The following GPC5 variants were observed in gnomAD, a reference collection of about 807,000 sequenced individuals.
GPC5 encodes the protein glypican 5, also known as glypican-5.
In GPC5, 47 loss-of-function variants were observed where a neutral mutation model predicts 53.9. The ratio of observed to expected loss-of-function variants is 0.87; its 90% CI spans 0.69 to 1.11. GPC5 has a LOEUF of 1.11. Among genes scored for constraint, GPC5 ranks in the 50% most tolerant of loss-of-function variants. The pLI, the probability that GPC5 is intolerant of heterozygous loss-of-function variation, is 0.00. For synonymous variants in GPC5, 286 were observed against 263.3 expected (o/e 1.09, Z -0.84); for missense variants, 748 against 713.1 (o/e 1.05, Z -0.56).
intron 5 of GPC5, among the ~76,000 whole-genome samples, chr13:91,811,624 G>A (rs1381775474): frequency 7.8e-6 from 1 of 128,022 alleles, no homozygotes; most frequent in African/African-American, 2.9e-5. Context: ...TGAACATAAA[G>A]CAACTTTATA....
At chr13:92,294,520 G>A (rs940085946) in intron 7 of GPC5, among the ~76,000 whole-genome samples, 2 of 152,196 alleles carry the variant, frequency 1.3e-5, no homozygotes, top group Non-Finnish European at 2.9e-5. Context: ...GTGATCTTCT[G>A]TATTTCTGTG....
intron 6 of GPC5, among the ~76,000 whole-genome samples, chr13:92,053,841 C>T (rs1438916752): frequency 1.3e-5 from 2 of 151,680 alleles, no homozygotes; most frequent in African/African-American, 4.8e-5. Flanking sequence ...ACCAGCCTGG[C>T]CAACATGGTG....
At chr13:92,102,454 A>G (rs548512810) in intron 6 of GPC5, among the ~76,000 whole-genome samples, 2 of 152,262 alleles carry the variant, frequency 1.3e-5, no homozygotes, top group South Asian at 4.1e-4. Flanking sequence ...TTTTCTTTTC[A>G]AAATCTGACC....
At chr13:92,414,149 T>G (rs1173880248) in intron 7 of GPC5, among the ~76,000 whole-genome samples, 4 of 152,186 alleles carry the variant, frequency 2.6e-5, no homozygotes, top group Non-Finnish European at 5.9e-5. Context: ...GTCACTTTCC[T>G]CATTAAGCTT....
chr13:91,983,516 C>G (rs1394734544), intron 6 of GPC5, among the ~76,000 whole-genome samples: 1 of 152,092 alleles, frequency 6.6e-6, no homozygotes, highest in African/African-American at 2.4e-5. Flanking sequence ...TCTTTGCTGA[C>G]ATCCTAAAAG....
intron 7 of GPC5, among the ~76,000 whole-genome samples, chr13:92,234,943 A>G (rs1179370136): frequency 6.6e-6 from 1 of 152,180 alleles, no homozygotes; most frequent in Non-Finnish European, 1.5e-5. Flanking sequence ...TTGGGGCCAT[A>G]CAATCAGGTA....
chr13:91,672,456 T>C (rs896481656), intron 2 of GPC5, among the ~76,000 whole-genome samples: 7 of 152,174 alleles, frequency 4.6e-5, no homozygotes, highest in Admixed American at 4.6e-4. Context: ...AAAGAAGGCA[T>C]TTACACGGTC....
intron 7 of GPC5, among the ~76,000 whole-genome samples, chr13:92,572,541 T>C (rs1883062897): frequency 6.6e-6 from 1 of 152,194 alleles, no homozygotes; most frequent in Admixed American, 6.6e-5. Context: ...TAGATATGGT[T>C]GGGTTCATTA....
At chr13:92,755,073 T>G (rs1874795537) in intron 7 of GPC5, among the ~76,000 whole-genome samples, 1 of 151,342 alleles carries the variant, frequency 6.6e-6, no homozygotes, top group African/African-American at 2.4e-5. Context: ...GACCACATAC[T>G]TGGAAGTAAA....
intron 7 of GPC5, among the ~76,000 whole-genome samples, chr13:92,473,520 T>C (rs1435741727): frequency 1.3e-5 from 2 of 152,152 alleles, no homozygotes; most frequent in African/African-American, 2.4e-5. Context: ...AATAGTATTA[T>C]GTGTTCTCTT....
At chr13:92,407,382 C>CA (rs1445995909) in intron 7 of GPC5, among the ~76,000 whole-genome samples, 2 of 152,162 alleles carry the variant, frequency 1.3e-5, no homozygotes, top group Non-Finnish European at 2.9e-5. Context: ...GTAGCCTCGA[C>CA]AAGATATTCT....
chr13:91,520,720 ATG>A (rs968182487), intron 2 of GPC5, among the ~76,000 whole-genome samples: 9 of 148,066 alleles, frequency 6.1e-5, no homozygotes, highest in South Asian at 4.2e-4. Flanking sequence ...GTGTGTGTGT[ATG>A]TGTGTGTGTG....
At chr13:92,281,251 A>G (rs1223317061) in intron 7 of GPC5, among the ~76,000 whole-genome samples, 1 of 152,190 alleles carries the variant, frequency 6.6e-6, no homozygotes, top group Non-Finnish European at 1.5e-5. Flanking sequence ...GCAGCCAGGA[A>G]GCTCGAACTG....
intron 1 of GPC5, among the ~76,000 whole-genome samples, chr13:91,401,279 A>AT (rs1201715486): frequency 6.6e-6 from 1 of 151,176 alleles, no homozygotes; most frequent in East Asian, 1.9e-4. Flanking sequence ...TTAAACACTG[A>AT]TTCCTCTCAT....
intron 7 of GPC5, among the ~76,000 whole-genome samples, chr13:92,738,573 T>C (rs1413289027): frequency 2.6e-5 from 4 of 152,104 alleles, no homozygotes; most frequent in Non-Finnish European, 1.5e-5. Flanking sequence ...GGAATAATAA[T>C]GTTTAACGTA....
At chr13:92,032,841 C>A (rs1262292327) in intron 6 of GPC5, among the ~76,000 whole-genome samples, 1 of 152,172 alleles carries the variant, frequency 6.6e-6, no homozygotes, top group Non-Finnish European at 1.5e-5. Context: ...ATTCTCTGCC[C>A]ATCTGTCACA....
At chr13:92,671,855 C>G (rs1256282337) in intron 7 of GPC5, among the ~76,000 whole-genome samples, 1 of 152,136 alleles carries the variant, frequency 6.6e-6, no homozygotes, top group Non-Finnish European at 1.5e-5. Flanking sequence ...GATAAATAAA[C>G]TGTTCTGTGT....
At chr13:92,503,411 A>G (rs1273776554) in intron 7 of GPC5, among the ~76,000 whole-genome samples, 3 of 151,796 alleles carry the variant, frequency 2.0e-5, no homozygotes, top group Non-Finnish European at 4.4e-5. Flanking sequence ...TTAGCCAGAA[A>G]CTTGTAGCAG....
chr13:91,652,183 C>T (rs766833977), intron 2 of GPC5, among the ~76,000 whole-genome samples: 15 of 152,138 alleles, frequency 9.9e-5, no homozygotes, highest in Non-Finnish European at 1.9e-4. Context: ...TTATGTTTTC[C>T]ACCTACAAAT....
Sources: gnomAD v4.1 joint callset for allele counts (sites outside exome capture counted in the v4.1 genomes callset) on GRCh38, gnomAD v4.1.1 for gene constraint, MANE v1.5 for transcripts, NCBI Gene and HGNC (gene_info 2026-07-23, HGNC 2026-07-21) for gene names.